The following ZBTB41 variants were observed in gnomAD, a reference collection of about 807,000 sequenced individuals.
ZBTB41 encodes zinc finger and BTB domain containing 41.
In ZBTB41, 42 loss-of-function variants were observed where a neutral mutation model predicts 87.6. The observed-to-expected ratio is 0.48, with a 90% confidence interval of 0.37 to 0.62. ZBTB41 has a LOEUF of 0.62. Among genes scored for constraint, ZBTB41 ranks in the 20% least tolerant of loss-of-function variants. ZBTB41 has a pLI of 0.00. For synonymous variants in ZBTB41, 364 were observed against 364.0 expected, an observed-to-expected ratio of 1.00 and a Z score of 0.00; for missense variants, 799 against 1,078.9, an observed-to-expected ratio of 0.74 and a Z score of 3.63.
chr1:197,200,901 T>C (rs1652754494), intron 1 of ZBTB41, among the ~76,000 whole-genome samples: 1 of 152,126 alleles, frequency 6.6e-6, no homozygotes, highest in Non-Finnish European at 1.5e-5. Flanking sequence ...TTGAGGAGGC[T>C]GAAGTCGTGG....
chr1:197,166,592 TC>T (rs1237538461), intron 10 of ZBTB41, among the ~76,000 whole-genome samples: 2 of 151,886 alleles, frequency 1.3e-5, no homozygotes. Flanking sequence ...ACACCTGTAA[TC>T]CCAGCACTTT....
rs536883600 is a variant in ZBTB41 at position 197,165,571 on chromosome 1, C to T, written c.2075-5557G>A. 1.1e-4 allele frequency among the ~76,000 whole-genome samples: 17 copies of T among 150,716 alleles called. No individual in the cohort carries two copies. The East Asian group carries it at 1.6e-3, about 14-fold the overall frequency. On this transcript the variant is annotated intron_variant, in intron 10 of 10. Transcript: ENST00000367405. Reference sequence around the variant, plus strand: ...CTTGCAGTGAGCCGAGATTGCACCACGGCACTCCAGCCTGGGTGACAGAGC... The same window carrying T: ...CTTGCAGTGAGCCGAGATTGCACCATGGCACTCCAGCCTGGGTGACAGAGC...
rs202244020 is a variant in ZBTB41, at chr1:197,199,720, T to C, written c.754A>G (p.Arg252Gly). 3 of 1,613,536 alleles carry C rather than the reference T, an allele frequency of 1.9e-6. No homozygotes were observed. The highest frequency in any genetic ancestry group is 2.7e-5 in the African/African-American group (2 of 74,998). ...GGGCACTTCCGATTCCTTTTTGATC[T>C]TCTTGCGGAGAAACTTCTCTCCAGC... ...KMLERSFSAR[R>G]SKRNRKCPVK... The change falls in exon 2 of 11, where the codon AGA becomes GGA. Residue 252 changes from arginine to glycine, a missense_variant. Arg to Gly is a moderately radical substitution (Grantham distance 125). Transcript: ENST00000367405.
In ZBTB41 at chr1:197,158,131, A is replaced by G. The variant is rs1659115704; in HGVS notation, c.*1228T>C. The G allele has an allele frequency of 6.6e-6, 1 of 152,380 alleles. No individual in the cohort carries two copies. The highest frequency in any genetic ancestry group is 2.4e-5 in the African/African-American group (1 of 41,418). 9.4% of individuals were successfully genotyped at this position (152,380 alleles called of 1,614,324 possible). On this transcript the variant is annotated 3_prime_UTR_variant, in exon 11 of 11. Transcript: ENST00000367405. ...GTGCATGTCTTTAAAGGTATTTTAT[A>G]ATTTTGACTTTTTCCTCAATTGTAA...
chr1:197,194,344 C>G (rs1660110448), intron 2 of ZBTB41, among the ~76,000 whole-genome samples: 1 of 151,966 alleles, frequency 6.6e-6, no homozygotes, highest in African/African-American at 2.4e-5. Flanking sequence ...ACAAAAGTAG[C>G]AGCATAATAA....
intron 10 of ZBTB41, among the ~76,000 whole-genome samples, chr1:197,169,071 A>G (rs1309908908): frequency 6.6e-6 from 1 of 152,062 alleles, no homozygotes; most frequent in African/African-American, 2.4e-5. Flanking sequence ...TTAAAAAAAA[A>G]GTATCAAATG....
Position 197,154,161 on chromosome 1 carries a change from T to C in ZBTB41, c.*5198A>G, listed in dbSNP as rs1659007989. On this transcript the variant is annotated 3_prime_UTR_variant, in exon 11 of 11. Coordinates refer to ENST00000367405, the MANE Select transcript of ZBTB41 (RefSeq NM_194314.3). ...AATTTTGTAATTACATCACAGTACA[T>C]TGTCCAGCTTTAATGCAAGCAGGAA... 6.6e-6 allele frequency: 1 copy of C among 152,512 alleles called. No individual in the cohort carries two copies. Among genetic ancestry groups the C allele is most frequent in the Non-Finnish European group, 1.5e-5 (1 of 67,980 alleles). The allele number at this position is 152,512 out of a possible 1,614,324, so 9.4% of individuals were successfully genotyped here. A position where few individuals can be genotyped will look rare whatever the true frequency, so the allele number is the denominator to read the frequency against.
chr1:197,169,114 T>C (rs1278653390), intron 10 of ZBTB41, among the ~76,000 whole-genome samples: 1 of 152,052 alleles, frequency 6.6e-6, no homozygotes, highest in African/African-American at 2.4e-5. Context: ...GAGATTCTCA[T>C]ATGTGGCTGC....
chr1:197,162,841 T>C lies in ZBTB41; in HGVS notation c.2075-2827A>G, dbSNP rs925365024. On this transcript the variant is annotated intron_variant, in intron 10 of 10. Transcript: ENST00000367405. The stretch of plus-strand genomic sequence containing the variant: ...CAACCCAGCACTTGAGGAAATCTCA[T>C]TGGAATGGGAAGATAAAAGTTGGAG... Among the ~76,000 whole-genome samples the C allele has an allele frequency of 8.5e-5, 13 of 152,152 alleles. No individual in the cohort carries two copies. In the East Asian group the frequency reaches 2.3e-3, roughly 27 times the overall value.
At chr1:197,180,016 C>T (rs1012386467) in intron 6 of ZBTB41, among the ~76,000 whole-genome samples, 1 of 152,036 alleles carries the variant, frequency 6.6e-6, no homozygotes, top group Admixed American at 6.6e-5. Flanking sequence ...TGTCCGCGGC[C>T]TTCACATTCA....
chr1:197,166,872 T>A (rs944286801), intron 10 of ZBTB41, among the ~76,000 whole-genome samples: 3 of 151,664 alleles, frequency 2.0e-5, no homozygotes, highest in African/African-American at 4.8e-5. Context: ...AACAAAAAAA[T>A]TTAATTAAAA....
Position 197,199,951 on chromosome 1 carries a change from T to C in ZBTB41, c.523A>G (p.Asn175Asp). The C allele has an allele frequency of 6.2e-7, 1 of 1,613,294 alleles. No homozygotes were observed. Reference protein sequence around the residue: ...LDIIDAVKLLNNENVAPFHSE... With the variant: ...LDIIDAVKLLDNENVAPFHSE... Reference sequence around the variant, plus strand: ...TGAAAAGGGGCAACATTTTCGTTATTTAACAACTTCACTGCATCTATAATG... The same window carrying C: ...TGAAAAGGGGCAACATTTTCGTTATCTAACAACTTCACTGCATCTATAATG... Residue 175 changes from asparagine (N) to aspartate (D), a missense_variant, in exon 2 of 11, where the codon AAT becomes GAT. Physicochemically the swap from Asn to Asp is conservative, Grantham distance 23. Coordinates refer to ENST00000367405, the MANE Select transcript of ZBTB41 (RefSeq NM_194314.3).
rs565561881 is a variant in ZBTB41 at position 197,188,308 on chromosome 1, T to C, written c.1530A>G (p.Gln510=). 5.0e-6 allele frequency: 8 copies of C among 1,612,580 alleles called. No homozygotes were observed. In the South Asian group the frequency reaches 8.8e-5, roughly 18 times the overall value. ...CTTGCTTACCCAGATGGAACTTTTCTTGATGCTTTAACCGAGCAAACCGTG... is the reference window on the plus strand; with the variant it reads ...CTTGCTTACCCAGATGGAACTTTTCCTGATGCTTTAACCGAGCAAACCGTG... ...FKSRFARLKH[Q]EKFHLGPFPC... The change falls in exon 5 of 11, where the codon CAA becomes CAG. Residue 510 remains glutamine, a synonymous_variant. Transcript: ENST00000367405.
chr1:197,159,928 C>T lies in ZBTB41; in HGVS notation c.2161G>A (p.Ala721Thr). Residue 721 changes from alanine (A) to threonine (T), a missense_variant, in exon 11 of 11, where the codon GCC (alanine) becomes ACC (threonine). Around this residue, in one of 5 missense-constraint regions of ZBTB41, gnomAD observed 198 missense variants for 358.4 expected, o/e 0.55. Transcript: ENST00000367405. ...CAGTGCTGACAGTTGAAAGGTCGGGCATCAGAATGAATAACCAGGTGTTTT... is the reference window on the plus strand; with the variant it reads ...CAGTGCTGACAGTTGAAAGGTCGGGTATCAGAATGAATAACCAGGTGTTTT... ...LTKHLVIHSD[A>T]RPFNCQHCNA... The T allele has an allele frequency of 6.2e-7, 1 of 1,613,800 alleles. No individual in the cohort carries two copies. The highest frequency in any genetic ancestry group is 8.5e-7 in the Non-Finnish European group (1 of 1,179,784).
At position 197,156,538 on chromosome 1, in the gene ZBTB41, T is replaced by C. The variant is rs1659072825; in HGVS notation, c.*2821A>G. On this transcript the variant is annotated 3_prime_UTR_variant, in exon 11 of 11. Transcript: ENST00000367405. ...TTACAAAATAAATGGATTAGAGTTA[T>C]AGAGCATTTGTCCAAAATACTCTAA... 1 of 152,326 alleles carries C rather than the reference T, an allele frequency of 6.6e-6. No homozygotes were observed. 9.4% of individuals were successfully genotyped at this position (152,326 alleles called of 1,614,324 possible).
At position 197,156,292 on chromosome 1, in the gene ZBTB41, T is replaced by A. The variant is rs1289697099; in HGVS notation, c.*3067A>T. The stretch of plus-strand genomic sequence containing the variant: ...TATTCAAGCAAGAAAGAATTTAAAG[T>A]CTTTTAAACTATTTAATACCTACTA... On this transcript the variant is annotated 3_prime_UTR_variant, in exon 11 of 11. Coordinates refer to ENST00000367405, the MANE Select transcript of ZBTB41 (RefSeq NM_194314.3). 6.6e-6 allele frequency: 1 copy of A among 152,176 alleles called. No homozygotes were observed. The highest frequency in any genetic ancestry group is 1.9e-4 in the East Asian group (1 of 5,198). The allele number at this position is 152,176 out of a possible 1,614,324, so 9.4% of individuals were successfully genotyped here.
At position 197,199,678 on chromosome 1, in the gene ZBTB41, T is replaced by G; in HGVS notation, c.796A>C (p.Thr266Pro). The G allele has an allele frequency of 6.2e-7, 1 of 1,613,622 alleles. No homozygotes were observed. Among genetic ancestry groups the G allele is most frequent in the Non-Finnish European group, 8.5e-7 (1 of 1,179,968 alleles). Reference sequence around the variant, plus strand: ...CCACTTTCCTGTTCATCATCGCTGGTGTCATCAAACTTAACAGGGCACTTC... The same window carrying G: ...CCACTTTCCTGTTCATCATCGCTGGGGTCATCAAACTTAACAGGGCACTTC... ...NRKCPVKFDDTSDDEQESGDG... is the reference protein window; with the variant it reads ...NRKCPVKFDDPSDDEQESGDG... Residue 266 changes from threonine (T) to proline (P), a missense_variant, in exon 2 of 11, where the codon ACC (threonine) becomes CCC (proline). Transcript: ENST00000367405.
At chr1:197,185,600 A>C (rs1169805726) in intron 5 of ZBTB41, among the ~76,000 whole-genome samples, 1 of 151,928 alleles carries the variant, frequency 6.6e-6, no homozygotes, top group East Asian at 1.9e-4. Flanking sequence ...ACCAAAAAAA[A>C]AAACAAACCA....
At chr1:197,188,539 C>T (rs1659939858) in intron 4 of ZBTB41, 100 bp from the exon 5 acceptor site, 5 of 1,148,674 alleles carry the variant, frequency 4.4e-6, no homozygotes, top group South Asian at 1.8e-5. Flanking sequence ...AATAAAGAGA[C>T]TTTTCTCCCA....
Sources: gnomAD v4.1 joint callset for allele counts (sites outside exome capture counted in the v4.1 genomes callset) on GRCh38, gnomAD v4.1.1 for gene constraint, gnomAD v4.1.1 regional missense constraint, MANE v1.5 for transcripts, NCBI Gene and HGNC (gene_info 2026-07-23, HGNC 2026-07-21) for gene names.